PEX1: variants seen among roughly 807,000 people sequenced by gnomAD.
PEX1 encodes the protein peroxisomal ATPase PEX1.
A neutral mutation model predicts 152.5 loss-of-function variants in PEX1; 97 were observed. The observed-to-expected ratio is 0.64, with a 90% CI of 0.54 to 0.75. PEX1 has a LOEUF of 0.75. PEX1 is among the 30% of genes least tolerant of loss of function. PEX1 has a pLI of 0.00. For synonymous variants in PEX1, 485 were observed against 531.6 expected (o/e 0.91, Z 1.21); for missense variants, 1,357 against 1,516.3 (o/e 0.89, Z 1.74).
chr7:92,506,048 T>C (rs1041085582), intron 11 of PEX1, among the ~76,000 whole-genome samples, 200 bp downstream of exon 11: 10 of 151,428 alleles, frequency 6.6e-5, no homozygotes, highest in African/African-American at 2.2e-4. Flanking sequence ...GAAAAAAAAA[T>C]AGGCCTCCAT....
rs1353983998 is a variant in PEX1, at chr7:92,491,304, A to C, written c.3406T>G (p.Ser1136Ala). ...YRLYFGSSYE[S>A]ELGNGTSSDL... The stretch of plus-strand genomic sequence containing the variant: ...GAAGAGGTTCCATTTCCAAGTTCTG[A>C]TTCATAAGAGCTTCCAAAGTAGAGC... Residue 1136 changes from serine to alanine, a missense_variant, in exon 21 of 24, where the codon TCA becomes GCA. Ser to Ala is a moderately conservative substitution (Grantham distance 99). Coordinates refer to ENST00000248633, the MANE Select transcript of PEX1 (RefSeq NM_000466.3). The C allele has an allele frequency of 6.2e-7, 1 of 1,613,356 alleles. No homozygotes were observed. Among genetic ancestry groups the C allele is most frequent in the East Asian group, 2.2e-5 (1 of 44,854 alleles).
intron 18 of PEX1, 41 bp from the exon 19 acceptor site, chr7:92,494,437 C>T (rs766737131): frequency 6.2e-7 from 1 of 1,610,788 alleles, no homozygotes; most frequent in South Asian, 1.1e-5. Flanking sequence ...AATCTGATGA[C>T]ATGATGACAT....
At position 92,517,269 on chromosome 7, in the gene PEX1, T is replaced by C; in HGVS notation, c.1239+7A>G. 1.9e-6 allele frequency: 3 copies of C among 1,609,506 alleles called. No homozygotes were observed. Among genetic ancestry groups the C allele is most frequent in the Non-Finnish European group, 1.7e-6 (2 of 1,176,054 alleles). On this transcript the variant is annotated splice_region_variant and intron_variant, in intron 5 of 23. Coordinates refer to ENST00000248633, the MANE Select transcript of PEX1 (RefSeq NM_000466.3). ...AATTTCTCCCAAGTTATAAAATTTA[T>C]ACTAACCCAGACTTTCCCAAGATGG...
intron 18 of PEX1, 32 bp downstream of exon 18, chr7:92,494,455 T>C: frequency 1.9e-6 from 3 of 1,612,436 alleles, no homozygotes; most frequent in Non-Finnish European, 2.5e-6. Flanking sequence ...CATTTTGTTA[T>C]AACATTCTAT....
intron 9 of PEX1, among the ~76,000 whole-genome samples, chr7:92,508,673 T>C (rs1792313361): frequency 6.6e-6 from 1 of 152,168 alleles, no homozygotes; most frequent in Non-Finnish European, 1.5e-5. Context: ...CTACTACATC[T>C]ACCAAAGCTT....
At position 92,505,015 on chromosome 7, in the gene PEX1, G is replaced by A. The variant is rs990281894; in HGVS notation, c.1901-113C>T. 1.1e-5 allele frequency: 9 copies of A among 789,360 alleles called. No individual in the cohort carries two copies. In the African/African-American group the frequency reaches 1.6e-4, roughly 14 times the overall value. 48.9% of individuals were successfully genotyped at this position (789,360 alleles called of 1,614,324 possible). A position where few individuals can be genotyped will look rare whatever the true frequency, so the allele number is the denominator to read the frequency against. ...GATATTGATTTAACTATAAAAATTT[G>A]ATCTATATTTTATTAATATACCCAT... On this transcript the variant is annotated intron_variant, in intron 11 of 23. Transcript: ENST00000248633.
intron 1 of PEX1, among the ~76,000 whole-genome samples, chr7:92,523,296 T>C (rs1316053518): frequency 1.3e-5 from 2 of 152,212 alleles, no homozygotes; most frequent in Non-Finnish European, 2.9e-5. Flanking sequence ...CCTTTTCCAC[T>C]ACTTATATTG....
At chr7:92,518,370 A>T (rs1432344476) in intron 3 of PEX1, 115 bp from the exon 4 acceptor site, 1 of 711,154 alleles carries the variant, frequency 1.4e-6, no homozygotes, top group African/African-American at 1.8e-5. Flanking sequence ...CATATTTAAT[A>T]TACACGACAT....
Position 92,503,021 on chromosome 7 carries a change from C to A in PEX1, c.2226+20G>T, listed in dbSNP as rs774920796. ...TATAAAAGGGACATAATTCAATAATCCTTACAAGTAGTGTATTACCTGATT... is the reference window on the plus strand; with the variant it reads ...TATAAAAGGGACATAATTCAATAATACTTACAAGTAGTGTATTACCTGATT... On this transcript the variant is annotated intron_variant, in intron 13 of 23. Coordinates refer to ENST00000248633, the MANE Select transcript of PEX1 (RefSeq NM_000466.3). The A allele has an allele frequency of 1.3e-6, 2 of 1,599,670 alleles. No individual in the cohort carries two copies. Among genetic ancestry groups the A allele is most frequent in the Middle Eastern group, 1.7e-4 (1 of 6,036 alleles).
chr7:92,506,164 T>C, intron 11 of PEX1, 84 bp downstream of exon 11: 1 of 802,882 alleles, frequency 1.2e-6, no homozygotes, highest in Non-Finnish European at 2.2e-6. Context: ...GATATGTGTA[T>C]TTATTAGATT....
rs1793079953 is a variant in PEX1 at position 92,522,223 on chromosome 7, C to T, written c.152G>A (p.Trp51Ter). 6.2e-7 allele frequency: 1 copy of T among 1,613,966 alleles called. No individual in the cohort carries two copies. The highest frequency in any genetic ancestry group is 1.3e-5 in the African/African-American group (1 of 74,940). Reference protein sequence around the residue: ...LLQNQAIEVVWSHQPAFLSWV... With the variant: ...LLQNQAIEVV ...GCTCAAGAATGCAGGCTGGTGACTC[C>T]AGACCACTTCTATAGCTTGATTCTA... is the stretch of plus-strand genomic sequence containing the variant. Residue 51 changes from tryptophan to a stop codon, truncating the protein, a stop_gained, in exon 2 of 24, where the codon TGG becomes TAG. Coordinates refer to ENST00000248633, the MANE Select transcript of PEX1 (RefSeq NM_000466.3). LOFTEE classifies it high-confidence loss of function.
chr7:92,511,011 C>A lies in PEX1; in HGVS notation c.1520G>T (p.Trp507Leu). Residue 507 changes from tryptophan to leucine, a missense_variant, in exon 8 of 24, where the codon TGG (tryptophan) becomes TTG (leucine). Trp to Leu is a moderately conservative substitution (Grantham distance 61). Transcript: ENST00000248633. ...AATATTTTTATCTTTTTCTTTTTCC[C>A]AAGAATGAACTATACTCAGAGAAAA... ...KEFSLSIVHS[W>L]EKEKDKNIFL... 6.3e-7 allele frequency: 1 copy of A among 1,580,524 alleles called. No homozygotes were observed. The highest frequency in any genetic ancestry group is 8.7e-7 in the Non-Finnish European group (1 of 1,150,668).
In PEX1 at chr7:92,518,200, A is replaced by G. The variant is rs572987489; in HGVS notation, c.413T>C (p.Phe138Ser). The change falls in exon 4 of 24, where the codon TTT (phenylalanine) becomes TCT (serine). Residue 138 changes from phenylalanine to serine, a missense_variant. Physicochemically the swap from Phe to Ser is radical, Grantham distance 155 (BLOSUM62 -2). Coordinates refer to ENST00000248633, the MANE Select transcript of PEX1 (RefSeq NM_000466.3). ...QHLLDQIRIV[F>S]PKAIFPVWVD... ...CCAAACAGGAAAAATGGCTTTTGGA[A>G]AAACTATTCGAATTTGATCTAGAAG... The G allele has an allele frequency of 6.2e-7, 1 of 1,613,982 alleles. No homozygotes were observed. Among genetic ancestry groups the G allele is most frequent in the South Asian group, 1.1e-5 (1 of 91,072 alleles).
At chr7:92,522,267 G>C (rs551162918) in intron 1 of PEX1, 22 bp from the exon 2 acceptor site, 2 of 1,608,844 alleles carry the variant, frequency 1.2e-6, no homozygotes, top group Non-Finnish European at 1.7e-6. Flanking sequence ...AGAAATGAGA[G>C]GAAAAAAGGT....
At chr7:92,523,056 A>G (rs1194149356) in intron 1 of PEX1, among the ~76,000 whole-genome samples, 1 of 152,250 alleles carries the variant, frequency 6.6e-6, no homozygotes, top group East Asian at 1.9e-4. Context: ...ACATTAAAAC[A>G]TGTAAGTTTG....
chr7:92,523,474 A>G (rs1402996893), intron 1 of PEX1, among the ~76,000 whole-genome samples: 1 of 151,566 alleles, frequency 6.6e-6, no homozygotes, highest in Non-Finnish European at 1.5e-5. Flanking sequence ...GGCATACACC[A>G]CCACACCTAG....
At chr7:92,505,138 CAGT>C (rs546039883) in intron 11 of PEX1, among the ~76,000 whole-genome samples, 32 of 152,194 alleles carry the variant, frequency 2.1e-4, no homozygotes, top group African/African-American at 7.5e-4. Flanking sequence ...AGGCCAGGTG[CAGT>C]GGCTTATGCT....
chr7:92,522,911 C>T (rs576776379), intron 1 of PEX1, among the ~76,000 whole-genome samples: 1 of 152,296 alleles, frequency 6.6e-6, no homozygotes, highest in Admixed American at 6.5e-5. Flanking sequence ...GAGGTAATTA[C>T]TGCTGTTTCT....
intron 10 of PEX1, chr7:92,506,587 CA>C: frequency 1.9e-6 from 1 of 540,068 alleles, no homozygotes. Flanking sequence ...CTTAAATGGA[CA>C]AAAGCTCAAC....
Sources: gnomAD v4.1 joint callset for allele counts (sites outside exome capture counted in the v4.1 genomes callset) on GRCh38, gnomAD v4.1.1 for gene constraint, MANE v1.5 for transcripts, NCBI Gene and HGNC (gene_info 2026-07-23, HGNC 2026-07-21) for gene names.